Variants in CDH4 observed in about 807,000 individuals in gnomAD.
CDH4 encodes cadherin-4.
Under a neutral mutation model 86.0 loss-of-function variants are expected in CDH4, and 33 were observed. That is an observed-to-expected ratio of 0.38 (90% confidence interval 0.29 to 0.51). CDH4 has a LOEUF of 0.51. CDH4 is among the 20% of genes least tolerant of loss of function. The pLI, the probability that CDH4 is intolerant of heterozygous loss-of-function variation, is 0.86. For missense variants in CDH4, 1,114 were observed against 1,307.4 expected (o/e 0.85, Z 2.28); for synonymous variants, 555 against 549.4 (o/e 1.01, Z -0.14).
At chr20:61,691,558 C>T (rs1031729619) in intron 2 of CDH4, among the ~76,000 whole-genome samples, 3 of 152,140 alleles carry the variant, frequency 2.0e-5, no homozygotes, top group Non-Finnish European at 2.9e-5. Context: ...CTGAGAAATG[C>T]GTCAGCAGCT....
At chr20:61,901,835 G>A (rs973903609) in intron 8 of CDH4, among the ~76,000 whole-genome samples, 6 of 152,212 alleles carry the variant, frequency 3.9e-5, no homozygotes, top group Non-Finnish European at 5.9e-5. Context: ...GACCTGCTCC[G>A]TGGGAAGAGG....
At chr20:61,698,482 G>A (rs758634049) in intron 2 of CDH4, among the ~76,000 whole-genome samples, 6 of 152,262 alleles carry the variant, frequency 3.9e-5, no homozygotes, top group East Asian at 1.9e-4. Context: ...GCTCATTCCC[G>A]GGGCTGGTGA....
chr20:61,449,242 C>T (rs531754977), intron 2 of CDH4, among the ~76,000 whole-genome samples: 1 of 150,866 alleles, frequency 6.6e-6, no homozygotes, highest in Admixed American at 6.6e-5. Flanking sequence ...CATTTATCTC[C>T]ACGGGGGGGC....
chr20:61,472,195 G>A (rs1012749408), intron 2 of CDH4, among the ~76,000 whole-genome samples: 6 of 152,268 alleles, frequency 3.9e-5, no homozygotes, highest in South Asian at 4.2e-4. Context: ...CTTGTTGGGC[G>A]CATATGTATT....
At position 61,939,129 on chromosome 20, in the gene CDH4, G is replaced by C. The variant is rs993086622; in HGVS notation, c.*2186G>C. 1 of 152,320 alleles carries C rather than the reference G, an allele frequency of 6.6e-6. No homozygotes were observed. Among genetic ancestry groups the C allele is most frequent in the Non-Finnish European group, 1.5e-5 (1 of 68,116 alleles). 9.4% of individuals were successfully genotyped at this position (152,320 alleles called of 1,614,324 possible). Reference sequence around the variant, plus strand: ...ACTGGAAATCTCTGTTGTTGTTTGGGGAAGTCCATGCTTCAGTCCTTCGGA... The same window carrying C: ...ACTGGAAATCTCTGTTGTTGTTTGGCGAAGTCCATGCTTCAGTCCTTCGGA... On this transcript the variant is annotated 3_prime_UTR_variant, in exon 16 of 16. Transcript: ENST00000614565.
intron 2 of CDH4, among the ~76,000 whole-genome samples, chr20:61,261,470 C>T (rs1375520556): frequency 6.6e-6 from 1 of 152,186 alleles, no homozygotes; most frequent in Non-Finnish European, 1.5e-5. Flanking sequence ...ACATTATGTT[C>T]TGTCCAGTCC....
At chr20:61,889,444 CATGGATGGATGG>C (rs147429200) in intron 7 of CDH4, among the ~76,000 whole-genome samples, 4,212 of 145,348 alleles carry the variant, frequency 0.029, 109 homozygotes, top group East Asian at 0.082. Context: ...ATGGATGATG[CATGGATGGATGG>C]ATGGATGGAT....
chr20:61,902,824 G>A lies in CDH4; in HGVS notation c.1189-7598G>A, dbSNP rs1430739739. On this transcript the variant is annotated intron_variant, in intron 8 of 15. Transcript: ENST00000614565. The surrounding 1 kb of genome is among the most constrained non-coding windows in gnomAD (Gnocchi z 4.6). Reference sequence around the variant, plus strand: ...GCAGACGTCTAAGTATGAGGTCAGCGCCTCGTCACCACCTGTCTCAGAGAG... The same window carrying A: ...GCAGACGTCTAAGTATGAGGTCAGCACCTCGTCACCACCTGTCTCAGAGAG... Among the ~76,000 whole-genome samples, 3 of 152,198 alleles carry A rather than the reference G, an allele frequency of 2.0e-5. No homozygotes were observed. The highest frequency in any genetic ancestry group is 2.1e-4 in the South Asian group (1 of 4,820).
intron 2 of CDH4, among the ~76,000 whole-genome samples, chr20:61,292,778 C>CTGTTGCTGTTTT (rs1555834142): frequency 6.6e-6 from 1 of 152,230 alleles, no homozygotes; most frequent in African/African-American, 2.4e-5. Flanking sequence ...TTGGGCAATG[C>CTGTTGCTGTTTT]TGTTTTTGTT....
intron 2 of CDH4, among the ~76,000 whole-genome samples, chr20:61,692,227 ATGTG>A (rs1233116905): frequency 6.6e-5 from 9 of 135,956 alleles, no homozygotes; most frequent in East Asian, 2.2e-4. Flanking sequence ...GTATGTGTGT[ATGTG>A]TGTGTATGTA....
intron 2 of CDH4, among the ~76,000 whole-genome samples, chr20:61,275,333 A>C: frequency 1.2e-5 from 1 of 82,802 alleles, no homozygotes; most frequent in Admixed American, 1.8e-4. Flanking sequence ...AGTTTGGGAG[A>C]GTACCGTGCG....
chr20:61,565,366 G>GTGGTGGCGGTGCTCTTGGTGA (rs1320317239), intron 2 of CDH4, among the ~76,000 whole-genome samples: 1 of 39,666 alleles, frequency 2.5e-5, no homozygotes, highest in African/African-American at 2.2e-4. Context: ...TGGGGTGATG[G>GTGGTGGCGGTGCTCTTGGTGA]TGGTGGTGGT....
chr20:61,924,198 A>G, intron 10 of CDH4, 136 bp from the exon 11 acceptor site: 2 of 864,706 alleles, frequency 2.3e-6, no homozygotes, highest in Non-Finnish European at 3.5e-6. Flanking sequence ...GAGGAGGACA[A>G]GGCCTGGGGG....
chr20:61,535,880 C>T (rs1248447537), intron 2 of CDH4, among the ~76,000 whole-genome samples: 3 of 152,226 alleles, frequency 2.0e-5, no homozygotes, highest in African/African-American at 7.2e-5. Context: ...CACTGTGCTC[C>T]TCTAGGTTAG....
intron 2 of CDH4, among the ~76,000 whole-genome samples, chr20:61,652,359 G>C (rs1600841385): frequency 1.3e-5 from 2 of 152,162 alleles, no homozygotes; most frequent in East Asian, 3.9e-4. Flanking sequence ...ATAGCACGAG[G>C]CTTGGTCGCT....
chr20:61,856,493 G>C lies in CDH4; in HGVS notation c.877+3595G>C, dbSNP rs1192421121. Among the ~76,000 whole-genome samples the C allele has an allele frequency of 2.3e-5, 3 of 133,236 alleles. No individual in the cohort carries two copies. In the East Asian group the frequency reaches 6.5e-4, roughly 29 times the overall value. 87.4% of individuals were successfully genotyped at this position (133,236 alleles called of 152,430 possible). A position where few individuals can be genotyped will look rare whatever the true frequency, so the allele number is the denominator to read the frequency against. On this transcript the variant is annotated intron_variant, in intron 6 of 15. Transcript: ENST00000614565. The stretch of plus-strand genomic sequence containing the variant: ...CCCACACTCTTCCCCAGCCCCCCAG[G>C]ATCCACGAGGGCCCTGCATGCATCC...
At chr20:61,701,386 C>T (rs143689812) in intron 2 of CDH4, among the ~76,000 whole-genome samples, 29 of 152,334 alleles carry the variant, frequency 1.9e-4, no homozygotes, top group African/African-American at 6.7e-4. Context: ...ATGTCAGGGT[C>T]GTGGCTGTGA....
chr20:61,320,751 G>A (rs1280061017), intron 2 of CDH4, among the ~76,000 whole-genome samples: 1 of 151,882 alleles, frequency 6.6e-6, no homozygotes, highest in South Asian at 2.1e-4. Context: ...AGATGAACAG[G>A]AGCCAAGCAG....
chr20:61,697,724 G>A (rs922277936), intron 2 of CDH4, among the ~76,000 whole-genome samples: 2 of 152,210 alleles, frequency 1.3e-5, no homozygotes, highest in Non-Finnish European at 2.9e-5. Context: ...CCTCCCTGGA[G>A]GTGTATCTCC....
Sources: allele counts gnomAD v4.1 joint callset (sites outside exome capture counted in the v4.1 genomes callset), GRCh38; gene constraint gnomAD v4.1.1; non-coding constraint Gnocchi (gnomAD v3.1); transcripts MANE v1.5; gene names NCBI Gene and HGNC (gene_info 2026-07-23, HGNC 2026-07-21).